Variants in CNTN5 observed in about 807,000 individuals in gnomAD.
CNTN5 encodes contactin-5.
A neutral mutation model predicts 129.1 loss-of-function variants in CNTN5; 77 were observed. The observed-to-expected ratio is 0.60, with a 90% CI of 0.50 to 0.72. The LOEUF (loss-of-function observed/expected upper bound fraction) is 0.72. Ranked by LOEUF, CNTN5 falls within the 30% of genes least tolerant of loss-of-function variation. The pLI, the probability that CNTN5 is intolerant of heterozygous loss-of-function variation, is 0.00. For missense variants in CNTN5, 1,478 were observed against 1,328.8 expected, an observed-to-expected ratio of 1.11 and a Z score of -1.75; for synonymous variants, 509 against 465.6, an observed-to-expected ratio of 1.09 and a Z score of -1.20.
At chr11:99,794,934 G>T (rs1051381934) in intron 3 of CNTN5, among the ~76,000 whole-genome samples, 1 of 152,120 alleles carries the variant, frequency 6.6e-6, no homozygotes, top group Non-Finnish European at 1.5e-5. Flanking sequence ...TCTTGCAGGG[G>T]TTCTCTGCAT....
At chr11:99,295,938 C>A (rs916489053) in intron 1 of CNTN5, among the ~76,000 whole-genome samples, 1 of 147,826 alleles carries the variant, frequency 6.8e-6, no homozygotes, top group East Asian at 2.0e-4. Context: ...AACGTACGTA[C>A]TACTAAAGTT....
chr11:99,936,176 T>C (rs906292607), intron 7 of CNTN5, among the ~76,000 whole-genome samples: 2 of 152,208 alleles, frequency 1.3e-5, no homozygotes, highest in African/African-American at 4.8e-5. Flanking sequence ...TGAAAACATT[T>C]GCAGGGGTTA....
intron 1 of CNTN5, among the ~76,000 whole-genome samples, chr11:99,073,678 C>G (rs547257388): frequency 1.3e-5 from 2 of 152,004 alleles, no homozygotes; most frequent in South Asian, 4.2e-4. Flanking sequence ...TGTTAGTTTG[C>G]TGAGGGTGAT....
chr11:100,111,262 C>T (rs1011036059), intron 13 of CNTN5, among the ~76,000 whole-genome samples: 10 of 151,972 alleles, frequency 6.6e-5, no homozygotes, highest in East Asian at 3.9e-4. Flanking sequence ...AAACCAGTGC[C>T]GTTTTTTGTT....
intron 9 of CNTN5, among the ~76,000 whole-genome samples, chr11:100,038,631 G>C (rs1341107851): frequency 2.0e-5 from 3 of 152,050 alleles, no homozygotes; most frequent in Admixed American, 6.6e-5. Flanking sequence ...CTAAGGACTT[G>C]CTTTATGAAT....
chr11:99,564,781 A>G (rs1334447542), intron 3 of CNTN5, among the ~76,000 whole-genome samples: 1 of 152,162 alleles, frequency 6.6e-6, no homozygotes, highest in Non-Finnish European at 1.5e-5. Context: ...AGCAATTGGA[A>G]GAAGACAATA....
intron 12 of CNTN5, among the ~76,000 whole-genome samples, chr11:100,073,128 C>T (rs966867187): frequency 1.3e-5 from 2 of 152,036 alleles, no homozygotes; most frequent in East Asian, 3.9e-4. Context: ...CTCACTGCAA[C>T]CTCCGCCTCC....
chr11:99,717,074 A>G (rs1000267888), intron 3 of CNTN5, among the ~76,000 whole-genome samples: 1 of 152,056 alleles, frequency 6.6e-6, no homozygotes, highest in Non-Finnish European at 1.5e-5. Context: ...TTTACTCTAT[A>G]GAATCGGAAC....
chr11:99,067,344 C>A (rs963127033), intron 1 of CNTN5, among the ~76,000 whole-genome samples: 2 of 151,238 alleles, frequency 1.3e-5, no homozygotes, highest in Non-Finnish European at 2.9e-5. Flanking sequence ...CTCTTTAAAA[C>A]GCTATTGTTC....
intron 2 of CNTN5, among the ~76,000 whole-genome samples, chr11:99,540,102 T>C (rs1241801700): frequency 1.3e-5 from 2 of 152,140 alleles, no homozygotes; most frequent in African/African-American, 4.8e-5. Context: ...CTGCATGATG[T>C]GGCCTTTTTT....
Position 99,042,365 on chromosome 11 carries a change from CTTTTTTTTTTTTTT to C in CNTN5, c.-210+21109_-210+21122del, listed in dbSNP as rs1210153589. Among the ~76,000 whole-genome samples the C allele has an allele frequency of 1.1e-3, 96 of 83,798 alleles. 2 individuals are homozygous for C. The highest frequency in any genetic ancestry group is 1.6e-4 in the Non-Finnish European group (7 of 44,918). The allele number at this position is 83,798 out of a possible 152,430, so 55.0% of individuals were successfully genotyped here. A position where few individuals can be genotyped will look rare whatever the true frequency, so the allele number is the denominator to read the frequency against. The stretch of plus-strand genomic sequence containing the variant: ...CACATGTACCTCCCTTCTTCTTCTT[CTTTTTTTTTTTTTT>C]TTTTTTTTTTTTTGAGACAGAGTCT... On this transcript the variant is annotated intron_variant, in intron 1 of 24. Coordinates refer to ENST00000524871, the MANE Select transcript of CNTN5 (RefSeq NM_014361.4).
At chr11:99,575,028 C>G (rs1434466176) in intron 3 of CNTN5, among the ~76,000 whole-genome samples, 1 of 152,088 alleles carries the variant, frequency 6.6e-6, no homozygotes, top group Non-Finnish European at 1.5e-5. Flanking sequence ...TTGGAGAAGT[C>G]ATTATTTCCT....
At chr11:99,990,481 C>CACACACACAT (rs1814960086) in intron 8 of CNTN5, among the ~76,000 whole-genome samples, 2 of 151,486 alleles carry the variant, frequency 1.3e-5, no homozygotes, top group Non-Finnish European at 1.5e-5. Flanking sequence ...CACACACACA[C>CACACACACAT]ACATACATAC....
chr11:99,561,734 G>A (rs1043703353), intron 3 of CNTN5, among the ~76,000 whole-genome samples: 6 of 830 alleles, frequency 7.2e-3, no homozygotes, highest in Admixed American at 0.025. Flanking sequence ...CAAAACTTTC[G>A]AAGTCATCAA....
intron 1 of CNTN5, among the ~76,000 whole-genome samples, chr11:99,060,321 T>A (rs1280004580): frequency 1.3e-5 from 2 of 152,120 alleles, no homozygotes; most frequent in Non-Finnish European, 2.9e-5. Context: ...ATATTCAAGC[T>A]AAGAAATATA....
chr11:99,763,958 T>C (rs1944669382), intron 3 of CNTN5, among the ~76,000 whole-genome samples: 1 of 152,078 alleles, frequency 6.6e-6, no homozygotes, highest in African/African-American at 2.4e-5. Flanking sequence ...TTCACATATT[T>C]TTAAAATGAA....
chr11:99,895,924 T>C (rs751067171), intron 6 of CNTN5, among the ~76,000 whole-genome samples: 6 of 152,134 alleles, frequency 3.9e-5, no homozygotes, highest in Non-Finnish European at 8.8e-5. Flanking sequence ...AAGAAGCAGC[T>C]AGACTCCATA....
At chr11:100,135,792 A>G (rs1329733132) in intron 13 of CNTN5, among the ~76,000 whole-genome samples, 1 of 151,974 alleles carries the variant, frequency 6.6e-6, no homozygotes, top group Non-Finnish European at 1.5e-5. Context: ...TGCTGGTATT[A>G]TTTTGTAATT....
At chr11:99,487,042 C>T (rs182293825) in intron 2 of CNTN5, among the ~76,000 whole-genome samples, 2 of 152,152 alleles carry the variant, frequency 1.3e-5, no homozygotes, top group East Asian at 3.9e-4. Flanking sequence ...ACATGGTTGG[C>T]CATATTAGAG....
Sources: gnomAD v4.1 joint callset for allele counts (sites outside exome capture counted in the v4.1 genomes callset) on GRCh38, gnomAD v4.1.1 for gene constraint, MANE v1.5 for transcripts, NCBI Gene and HGNC (gene_info 2026-07-23, HGNC 2026-07-21) for gene names.